MBOAT2: variants seen among roughly 807,000 people sequenced by gnomAD.
MBOAT2 encodes the protein membrane bound glycerophospholipid O-acyltransferase 2, also known as membrane-bound glycerophospholipid O-acyltransferase 2.
A neutral mutation model predicts 63.4 loss-of-function variants in MBOAT2; 28 were observed. The observed-to-expected ratio is 0.44, with a 90% CI of 0.33 to 0.61. The LOEUF is 0.61. Among genes scored for constraint, MBOAT2 ranks in the 20% least tolerant of loss-of-function variants. MBOAT2 has a pLI of 0.03. For missense variants in MBOAT2, 470 were observed against 605.8 expected, an observed-to-expected ratio of 0.78 and a Z score of 2.35; for synonymous variants, 211 against 215.6, an observed-to-expected ratio of 0.98 and a Z score of 0.19.
chr2:8,965,485 T>A (rs530203842), intron 1 of MBOAT2, among the ~76,000 whole-genome samples: 1 of 152,322 alleles, frequency 6.6e-6, no homozygotes, highest in East Asian at 1.9e-4. Context: ...TTGAACCTGA[T>A]CTTATCATTT....
intron 3 of MBOAT2, among the ~76,000 whole-genome samples, chr2:8,911,489 C>G (rs560221544): frequency 4.1e-4 from 62 of 152,258 alleles, no homozygotes; most frequent in African/African-American, 1.5e-3. Context: ...TTGGGATGTT[C>G]GTCTCCTCTA....
intron 3 of MBOAT2, among the ~76,000 whole-genome samples, chr2:8,940,959 G>A (rs185498029): frequency 5.3e-5 from 8 of 151,826 alleles, no homozygotes; most frequent in African/African-American, 1.9e-4. Context: ...GATTGTATTC[G>A]ACATAAACAA....
At chr2:8,872,855 T>G (rs1049415669) in intron 8 of MBOAT2, among the ~76,000 whole-genome samples, 4 of 152,260 alleles carry the variant, frequency 2.6e-5, no homozygotes, top group Middle Eastern at 3.2e-3. Flanking sequence ...GAATCTAGAA[T>G]ATAATATGCA....
At chr2:8,867,806 C>T (rs908894838) in intron 9 of MBOAT2, among the ~76,000 whole-genome samples, 2 of 152,218 alleles carry the variant, frequency 1.3e-5, no homozygotes, top group Non-Finnish European at 2.9e-5. Context: ...AGCTCTCTGC[C>T]TCTTGAGGGA....
At chr2:8,925,840 A>T (rs1381998195) in intron 3 of MBOAT2, among the ~76,000 whole-genome samples, 1 of 152,244 alleles carries the variant, frequency 6.6e-6, no homozygotes, top group Non-Finnish European at 1.5e-5. Flanking sequence ...TCCTCTTCAT[A>T]ACTGATGGCA....
intron 1 of MBOAT2, among the ~76,000 whole-genome samples, chr2:8,969,336 C>T (rs1179362572): frequency 6.6e-5 from 10 of 152,264 alleles, no homozygotes; most frequent in Middle Eastern, 3.4e-3. Flanking sequence ...GATTTTGTCA[C>T]TACCAGGCCT....
chr2:8,902,599 G>T (rs183425539), intron 4 of MBOAT2, among the ~76,000 whole-genome samples: 2 of 152,128 alleles, frequency 1.3e-5, no homozygotes, highest in South Asian at 4.2e-4. Flanking sequence ...ATTCCTCCCG[G>T]TGGGTTCGTG....
intron 3 of MBOAT2, among the ~76,000 whole-genome samples, chr2:8,920,109 A>T (rs912507535): frequency 6.6e-6 from 1 of 152,120 alleles, no homozygotes; most frequent in Non-Finnish European, 1.5e-5. Flanking sequence ...CATATCTAAG[A>T]AGTCTTTGCC....
At chr2:8,982,519 GCAAA>G (rs1318079021) in intron 1 of MBOAT2, among the ~76,000 whole-genome samples, 3 of 152,108 alleles carry the variant, frequency 2.0e-5, no homozygotes. Flanking sequence ...CTCCTCACTT[GCAAA>G]CAGTCAGCTC....
chr2:8,860,854 T>A (rs1052739092), intron 11 of MBOAT2, 90 bp from the exon 12 acceptor site: 4 of 1,025,970 alleles, frequency 3.9e-6, no homozygotes, highest in Admixed American at 2.7e-5. Context: ...TGGAAGGATG[T>A]GGAGTAGAGT....
At chr2:8,860,902 CT>C in intron 11 of MBOAT2, 138 bp from the exon 12 acceptor site, 2 of 645,504 alleles carry the variant, frequency 3.1e-6, no homozygotes, top group Non-Finnish European at 5.2e-6. Context: ...GGAATGTACA[CT>C]GCTACTATGG....
chr2:8,928,037 G>C (rs1667055892), intron 3 of MBOAT2, among the ~76,000 whole-genome samples: 2 of 152,252 alleles, frequency 1.3e-5, no homozygotes, highest in South Asian at 4.2e-4. Flanking sequence ...GCAGGAGTAA[G>C]AAAGCGGTGG....
chr2:8,964,484 G>C (rs1669848564), intron 1 of MBOAT2, among the ~76,000 whole-genome samples: 1 of 145,692 alleles, frequency 6.9e-6, no homozygotes, highest in Non-Finnish European at 1.5e-5. Flanking sequence ...GCATTGCTTT[G>C]AATATTTTAA....
chr2:8,968,414 C>T (rs953412701), intron 1 of MBOAT2, among the ~76,000 whole-genome samples: 2 of 152,156 alleles, frequency 1.3e-5, no homozygotes, highest in Non-Finnish European at 2.9e-5. Flanking sequence ...GTAGATAAAA[C>T]CACAAAGATG....
At chr2:8,931,419 C>T (rs989449765) in intron 3 of MBOAT2, among the ~76,000 whole-genome samples, 2 of 152,004 alleles carry the variant, frequency 1.3e-5, no homozygotes, top group African/African-American at 4.8e-5. Flanking sequence ...ATGTCCTTTG[C>T]CCACTTTTTG....
Position 8,873,107 on chromosome 2 carries a change from C to T in MBOAT2, c.883+1G>A. 1 of 1,612,898 alleles carries T rather than the reference C, an allele frequency of 6.2e-7. No homozygotes were observed. Among genetic ancestry groups the T allele is most frequent in the Non-Finnish European group, 8.5e-7 (1 of 1,179,086 alleles). ...GGGAAATCTATTTACATGTTACTTA[C>T]CTAGCGTCCATGCAAAATAGTATTT... is the stretch of plus-strand genomic sequence containing the variant. On this transcript the variant is annotated splice_donor_variant, in intron 8 of 12. Coordinates refer to ENST00000305997, the MANE Select transcript of MBOAT2 (RefSeq NM_138799.4). LOFTEE classifies it high-confidence loss of function.
chr2:8,959,267 A>C (rs964460805), intron 1 of MBOAT2, among the ~76,000 whole-genome samples: 2 of 152,254 alleles, frequency 1.3e-5, no homozygotes, highest in Middle Eastern at 3.4e-3. Flanking sequence ...AGCCTTCGAA[A>C]AGCTCAAGTC....
At chr2:8,972,527 A>T (rs1191794993) in intron 1 of MBOAT2, among the ~76,000 whole-genome samples, 1 of 152,236 alleles carries the variant, frequency 6.6e-6, no homozygotes, top group African/African-American at 2.4e-5. Context: ...TGGGATCTAA[A>T]TAAACTAAAG....
At chr2:8,897,939 C>T (rs893208910) in intron 4 of MBOAT2, among the ~76,000 whole-genome samples, 10 of 152,144 alleles carry the variant, frequency 6.6e-5, no homozygotes, top group African/African-American at 2.4e-4. Flanking sequence ...ACCTAGTATG[C>T]CATTTACATC....
Sources: gnomAD v4.1 joint callset for allele counts (sites outside exome capture counted in the v4.1 genomes callset) on GRCh38, gnomAD v4.1.1 for gene constraint, MANE v1.5 for transcripts, NCBI Gene and HGNC (gene_info 2026-07-23, HGNC 2026-07-21) for gene names.